The following DMRT1 variants were observed in gnomAD, a reference collection of about 807,000 sequenced individuals.
DMRT1 encodes the protein doublesex- and mab-3-related transcription factor 1.
In DMRT1, 7 loss-of-function variants were observed where a neutral mutation model predicts 32.3. The observed-to-expected ratio is 0.22, with a 90% confidence interval of 0.12 to 0.41. The LOEUF (loss-of-function observed/expected upper bound fraction) is 0.41, where lower values mean the gene tolerates loss of function less well. DMRT1 is among the 10% of genes least tolerant of loss of function. The probability of loss-of-function intolerance (pLI) is 1.00; values close to 1 mark genes in which losing one functional copy is unlikely to be tolerated. For missense variants in DMRT1, 625 were observed against 500.5 expected (o/e 1.25, Z -2.37); for synonymous variants, 278 against 206.1 (o/e 1.35, Z -2.99).
intron 2 of DMRT1, among the ~76,000 whole-genome samples, chr9:870,708 A>ATTTTTTTTT (rs1564211315): frequency 1.4e-4 from 5 of 36,252 alleles, no homozygotes; most frequent in Admixed American, 3.3e-4. Flanking sequence ...CATTTTCTTG[A>ATTTTTTTTT]CTTTTTTTTT....
At chr9:869,340 C>T (rs1206307297) in intron 2 of DMRT1, among the ~76,000 whole-genome samples, 1 of 152,202 alleles carries the variant, frequency 6.6e-6, no homozygotes, top group Admixed American at 6.5e-5. Context: ...TTCATCTACA[C>T]TTGCATTGTG....
chr9:891,802 GCGTGGGCCAC>G (rs1817163011), intron 2 of DMRT1, among the ~76,000 whole-genome samples: 1 of 152,104 alleles, frequency 6.6e-6, no homozygotes, highest in Admixed American at 6.5e-5. Flanking sequence ...GGGATTACAG[GCGTGGGCCAC>G]CGTGCCTGGC....
chr9:936,930 C>G (rs964051124), intron 4 of DMRT1, among the ~76,000 whole-genome samples: 2 of 152,148 alleles, frequency 1.3e-5, no homozygotes, highest in Non-Finnish European at 2.9e-5. Context: ...ACCATCACCA[C>G]TATCTATTTG....
At chr9:895,314 A>G (rs1031010189) in intron 3 of DMRT1, among the ~76,000 whole-genome samples, 2 of 152,338 alleles carry the variant, frequency 1.3e-5, no homozygotes, top group Middle Eastern at 3.4e-3. Flanking sequence ...TACCTTGTAC[A>G]GAGGTATGTT....
rs575307370 is a variant in DMRT1 at position 893,566 on chromosome 9, A to G, written c.539-346A>G. ...GGCTACAATTAATTTTGTTTTAAGA[A>G]TGCACAATCAGGTCAACTAGATTTG... On this transcript the variant is annotated intron_variant, in intron 2 of 4. Transcript: ENST00000382276. Among the ~76,000 whole-genome samples, 6 of 152,374 alleles carry G rather than the reference A, an allele frequency of 3.9e-5. No individual in the cohort carries two copies. The East Asian group carries it at 1.2e-3, about 29-fold the overall frequency.
In DMRT1 at chr9:861,221, G is replaced by T. The variant is rs540971642; in HGVS notation, c.538+14078G>T. ...AGGGCCCTGCCGCCTTCCGTCTTCT[G>T]CAGTGTTTGTGTCCCTGGGTAGTTG... On this transcript the variant is annotated intron_variant, in intron 2 of 4. Coordinates refer to ENST00000382276, the MANE Select transcript of DMRT1 (RefSeq NM_021951.3). Among the ~76,000 whole-genome samples, 14 of 152,074 alleles carry T rather than the reference G, an allele frequency of 9.2e-5. No individual in the cohort carries two copies. The East Asian group carries it at 2.7e-3, about 29-fold the overall frequency.
intron 2 of DMRT1, among the ~76,000 whole-genome samples, chr9:858,993 G>A (rs12555212): frequency 1.1e-4 from 16 of 151,472 alleles, no homozygotes; most frequent in South Asian, 1.0e-3. Context: ...GAACTTCCCA[G>A]ACAGAAACTC....
chr9:843,303 G>T (rs866413736), intron 1 of DMRT1, among the ~76,000 whole-genome samples: 21 of 152,260 alleles, frequency 1.4e-4, no homozygotes, highest in Admixed American at 6.5e-5. Context: ...ACAGCGTTGC[G>T]CGGTTTCCCT....
rs73639461 is a variant in DMRT1, at chr9:881,106, T to G, written c.539-12806T>G. Among the ~76,000 whole-genome samples the G allele has an allele frequency of 8.3e-3, 1,256 of 151,082 alleles. 16 individuals are homozygous for G. Among genetic ancestry groups the G allele is most frequent in the African/African-American group, 0.029 (1,160 of 40,468 alleles). On this transcript the variant is annotated intron_variant, in intron 2 of 4. Transcript: ENST00000382276. Reference sequence around the variant, plus strand: ...TGTGGCCTGATCATGGGGAATTCTATAGACCCCCCCCACCTCCTCCTCCTG... The same window carrying G: ...TGTGGCCTGATCATGGGGAATTCTAGAGACCCCCCCCACCTCCTCCTCCTG...
chr9:847,224 C>T (rs1055461780), intron 2 of DMRT1, 81 bp downstream of exon 2: 1 of 1,432,374 alleles, frequency 7.0e-7, no homozygotes, highest in Admixed American at 1.8e-5. Flanking sequence ...GCAGGGCTCC[C>T]CTGAGCTACA....
intron 4 of DMRT1, among the ~76,000 whole-genome samples, chr9:921,326 G>T (rs4455908): frequency 6.6e-6 from 1 of 152,030 alleles, no homozygotes; most frequent in Non-Finnish European, 1.5e-5. Flanking sequence ...TATTTCATTC[G>T]TTTTTGTGGC....
intron 3 of DMRT1, among the ~76,000 whole-genome samples, chr9:915,441 C>T (rs1290900004): frequency 6.6e-6 from 1 of 152,118 alleles, no homozygotes; most frequent in African/African-American, 2.4e-5. Flanking sequence ...TCTCATGGTC[C>T]TAAAGGCAGG....
intron 4 of DMRT1, among the ~76,000 whole-genome samples, chr9:947,580 A>G (rs893892332): frequency 6.6e-6 from 1 of 152,210 alleles, no homozygotes; most frequent in African/African-American, 2.4e-5. Flanking sequence ...ATAGAATTTA[A>G]ATTCTGGAAG....
chr9:893,848 G>C (rs1209834092), intron 2 of DMRT1, 64 bp from the exon 3 acceptor site: 1 of 1,510,372 alleles, frequency 6.6e-7, no homozygotes, highest in African/African-American at 1.4e-5. Flanking sequence ...GGAAGGTTTA[G>C]AAGTAAAGTT....
In DMRT1 at chr9:961,152, C is replaced by G. The variant is rs1393903590; in HGVS notation, c.968-6833C>G. On this transcript the variant is annotated intron_variant, in intron 4 of 4. Transcript: ENST00000382276. ...CCCACCTCCGGAGCCCACACCTGACCCCTCTACTCTGTTGCATTCTGACCC... is the reference window on the plus strand; with the variant it reads ...CCCACCTCCGGAGCCCACACCTGACGCCTCTACTCTGTTGCATTCTGACCC... Among the ~76,000 whole-genome samples the G allele has an allele frequency of 5.3e-5, 8 of 152,250 alleles. No homozygotes were observed. In the East Asian group the frequency reaches 1.5e-3, roughly 29 times the overall value.
chr9:937,811 T>C (rs1818935652), intron 4 of DMRT1, among the ~76,000 whole-genome samples: 1 of 152,130 alleles, frequency 6.6e-6, no homozygotes, highest in African/African-American at 2.4e-5. Flanking sequence ...TTTTACTCTC[T>C]TTTTAGTATC....
intron 4 of DMRT1, among the ~76,000 whole-genome samples, chr9:954,478 A>C (rs1819530404): frequency 6.6e-6 from 1 of 151,948 alleles, no homozygotes; most frequent in Non-Finnish European, 1.5e-5. Context: ...TAGATGTGGG[A>C]GGGAGGTGGA....
intron 4 of DMRT1, among the ~76,000 whole-genome samples, chr9:940,742 G>A (rs1434995659): frequency 1.3e-5 from 2 of 152,148 alleles, no homozygotes; most frequent in East Asian, 1.9e-4. Context: ...ATTCAACAGA[G>A]TTAAGAGGCA....
intron 4 of DMRT1, among the ~76,000 whole-genome samples, chr9:918,564 G>C (rs1219121887): frequency 1.3e-5 from 2 of 152,172 alleles, no homozygotes; most frequent in African/African-American, 4.8e-5. Flanking sequence ...CACAGGGAAA[G>C]AAGAATAGGT....
Sources: allele counts gnomAD v4.1 joint callset (sites outside exome capture counted in the v4.1 genomes callset), GRCh38; gene constraint gnomAD v4.1.1; transcripts MANE v1.5; gene names NCBI Gene and HGNC (gene_info 2026-07-23, HGNC 2026-07-21).